Variants in FARP1 observed in about 807,000 individuals in gnomAD.
The protein encoded by FARP1 is FERM, ARHGEF and pleckstrin domain-containing protein 1.
Under a neutral mutation model 128.8 loss-of-function variants are expected in FARP1, and 52 were observed. That is an observed-to-expected ratio of 0.40 (90% CI 0.32 to 0.51). FARP1 has a LOEUF of 0.51. Among genes scored for constraint, FARP1 ranks in the 20% least tolerant of loss-of-function variants. The pLI, the probability that FARP1 is intolerant of heterozygous loss-of-function variation, is 0.45. For synonymous variants in FARP1, 580 were observed against 551.8 expected, an observed-to-expected ratio of 1.05 and a Z score of -0.72; for missense variants, 1,333 against 1,367.9, an observed-to-expected ratio of 0.97 and a Z score of 0.40.
rs200032753 is a variant in FARP1, at chr13:98,375,104, CACTTAA to C, written c.399-2714_399-2709del. ...AATTCATTCTAGGGCTTGACTGATACACTTAAACATTTGGGCTGGAGTCTGTCATAA... is the reference window on the plus strand; with the variant it reads ...AATTCATTCTAGGGCTTGACTGATACACATTTGGGCTGGAGTCTGTCATAA... On this transcript the variant is annotated intron_variant, in intron 5 of 26. Coordinates refer to ENST00000319562, the MANE Select transcript of FARP1 (RefSeq NM_005766.4). Among the ~76,000 whole-genome samples the C allele has an allele frequency of 5.2e-4, 79 of 152,324 alleles. No homozygotes were observed. In the East Asian group the frequency reaches 9.6e-3, roughly 19 times the overall value.
intron 2 of FARP1, among the ~76,000 whole-genome samples, chr13:98,322,061 G>A (rs550262928): frequency 6.6e-6 from 1 of 152,330 alleles, no homozygotes; most frequent in South Asian, 2.1e-4. Flanking sequence ...ACTCTGGAAG[G>A]CCGAGGCTGG....
chr13:98,444,834 C>G (rs1892722262), intron 24 of FARP1, among the ~76,000 whole-genome samples: 1 of 152,224 alleles, frequency 6.6e-6, no homozygotes, highest in African/African-American at 2.4e-5. Context: ...GAGTGTGCCA[C>G]CCTCCTTGCT....
intron 2 of FARP1, among the ~76,000 whole-genome samples, chr13:98,265,279 T>G (rs1159214098): frequency 1.3e-5 from 2 of 148,170 alleles, no homozygotes; most frequent in African/African-American, 5.0e-5. Context: ...GTGCATGACA[T>G]ACACCCACCC....
At chr13:98,213,833 G>C (rs973822099) in intron 2 of FARP1, among the ~76,000 whole-genome samples, 7 of 152,144 alleles carry the variant, frequency 4.6e-5, no homozygotes, top group African/African-American at 1.7e-4. Flanking sequence ...CAGGGGGGCT[G>C]TCGAACTCAA....
chr13:98,379,073 G>GTAATATGTAATCTATATATAATATATA (rs1889750598), intron 6 of FARP1, among the ~76,000 whole-genome samples: 1 of 52,146 alleles, frequency 1.9e-5, no homozygotes, highest in Non-Finnish European at 3.2e-5. Flanking sequence ...TATAATATAT[G>GTAATATGTAATCTATATATAATATATA]TAATATGTAA....
At chr13:98,416,815 G>T (rs1891391824) in intron 16 of FARP1, among the ~76,000 whole-genome samples, 1 of 152,132 alleles carries the variant, frequency 6.6e-6, no homozygotes, top group Non-Finnish European at 1.5e-5. Flanking sequence ...ATTCTGCAGG[G>T]TACAAAACTC....
intron 2 of FARP1, among the ~76,000 whole-genome samples, chr13:98,295,744 C>T (rs1566844870): frequency 6.6e-6 from 1 of 152,174 alleles, no homozygotes; most frequent in African/African-American, 2.4e-5. Context: ...TTAACATCTG[C>T]ATTAATTAGG....
chr13:98,423,887 A>G (rs1443940054), intron 16 of FARP1, among the ~76,000 whole-genome samples: 1 of 152,186 alleles, frequency 6.6e-6, no homozygotes, highest in East Asian at 1.9e-4. Context: ...GTGTACCCCA[A>G]ACCTCACTGA....
chr13:98,367,269 G>T (rs1889126213), intron 4 of FARP1, among the ~76,000 whole-genome samples: 1 of 152,086 alleles, frequency 6.6e-6, no homozygotes, highest in Non-Finnish European at 1.5e-5. Flanking sequence ...TGAGTCTCAT[G>T]CCTCAGCCTC....
chr13:98,436,692 A>G (rs1280609184), intron 19 of FARP1, among the ~76,000 whole-genome samples: 1 of 152,250 alleles, frequency 6.6e-6, no homozygotes, highest in African/African-American at 2.4e-5. Context: ...GATTGTCAGA[A>G]GAGCCATGCG....
intron 3 of FARP1, among the ~76,000 whole-genome samples, chr13:98,363,796 C>A (rs2139958940): frequency 6.6e-6 from 1 of 152,270 alleles, no homozygotes; most frequent in East Asian, 1.9e-4. Context: ...GGCTAGAGTG[C>A]AGTGGTGCGA....
At position 98,454,570 on chromosome 13, in the gene FARP1, G is replaced by GAGTT. The variant is rs1482984722; in HGVS notation, c.*6254_*6257dup. 6.6e-6 allele frequency: 1 copy of GAGTT among 152,228 alleles called. No homozygotes were observed. The highest frequency in any genetic ancestry group is 1.5e-5 in the Non-Finnish European group (1 of 68,050). The allele number at this position is 152,228 out of a possible 1,614,324, so 9.4% of individuals were successfully genotyped here. A position where few individuals can be genotyped will look rare whatever the true frequency, so the allele number is the denominator to read the frequency against. On this transcript the variant is annotated 3_prime_UTR_variant, in exon 27 of 27. Coordinates refer to ENST00000319562, the MANE Select transcript of FARP1 (RefSeq NM_005766.4). Reference sequence around the variant, plus strand: ...AATACAAATGACTAAATCACGGGATGAGTTGATGTCACACAAAAGAATCCA... The same window carrying GAGTT: ...AATACAAATGACTAAATCACGGGATGAGTTAGTTGATGTCACACAAAAGAATCCA...
intron 2 of FARP1, among the ~76,000 whole-genome samples, chr13:98,287,920 G>C (rs920252848): frequency 1.1e-4 from 16 of 150,944 alleles, no homozygotes; most frequent in Non-Finnish European, 2.1e-4. Flanking sequence ...TTCTGCCTCA[G>C]CCTCCCGAGT....
In FARP1 at chr13:98,431,110, C is replaced by T. The variant is rs778421318; in HGVS notation, c.1973C>T (p.Ser658Phe). Residue 658 changes from serine to phenylalanine, a missense_variant, in exon 18 of 27, where the codon TCC (serine) becomes TTC (phenylalanine). Physicochemically the swap from Ser to Phe is radical, Grantham distance 155. Around this residue, in one of 2 missense-constraint regions of FARP1, gnomAD observed 1,009 missense variants for 969.8 expected, o/e 1.04. Transcript: ENST00000319562. ...LEALENGIKS[S>F]RRLENFCRDF... ...GCCCTGGAGAATGGAATCAAGAGCT[C>T]CCGGCGGCTGGAGAACTTCTGCAGA... is the stretch of plus-strand genomic sequence containing the variant. 4.3e-6 allele frequency: 7 copies of T among 1,614,110 alleles called. No homozygotes were observed. The highest frequency in any genetic ancestry group is 5.9e-6 in the Non-Finnish European group (7 of 1,180,020).
intron 3 of FARP1, among the ~76,000 whole-genome samples, chr13:98,364,764 T>C (rs1889014664): frequency 6.6e-6 from 1 of 152,062 alleles, no homozygotes; most frequent in African/African-American, 2.4e-5. Context: ...AAGAAGCAGA[T>C]GTGTGAAAGA....
At chr13:98,444,070 C>T (rs1470247264) in intron 24 of FARP1, among the ~76,000 whole-genome samples, 1 of 151,764 alleles carries the variant, frequency 6.6e-6, no homozygotes, top group Non-Finnish European at 1.5e-5. Context: ...GGGAAAATGT[C>T]CCCACCTGAC....
At chr13:98,392,323 CAAAAAAAAAAAAA>C (rs11289484) in intron 11 of FARP1, among the ~76,000 whole-genome samples, 4 of 60,410 alleles carry the variant, frequency 6.6e-5, no homozygotes, top group African/African-American at 1.3e-4. Context: ...CATCTCTACC[CAAAAAAAAAAAAA>C]AAAAAAAAAA....
intron 1 of FARP1, among the ~76,000 whole-genome samples, chr13:98,145,550 GTTT>G (rs541051808): frequency 7.6e-6 from 1 of 131,924 alleles, no homozygotes; most frequent in Non-Finnish European, 1.8e-5. Context: ...CTGGAGGAAC[GTTT>G]TTGTTTCACT....
At chr13:98,149,683 T>C (rs1016033417) in intron 1 of FARP1, among the ~76,000 whole-genome samples, 1 of 151,966 alleles carries the variant, frequency 6.6e-6, no homozygotes, top group Admixed American at 6.6e-5. Flanking sequence ...CATGTACTTA[T>C]TGACCATTTA....
Sources: allele counts gnomAD v4.1 joint callset (sites outside exome capture counted in the v4.1 genomes callset), GRCh38; gene constraint gnomAD v4.1.1; regional missense constraint gnomAD v4.1.1; transcripts MANE v1.5; gene names NCBI Gene and HGNC (gene_info 2026-07-23, HGNC 2026-07-21).